The following GRIK5 variants were observed in gnomAD, a reference collection of about 807,000 sequenced individuals.
GRIK5 encodes glutamate receptor ionotropic, kainate 5.
In GRIK5, 43 loss-of-function variants were observed where a neutral mutation model predicts 97.4. That is an observed-to-expected ratio of 0.44 (90% CI 0.35 to 0.57). The LOEUF is 0.57. Ranked by LOEUF, GRIK5 falls within the 20% of genes least tolerant of loss-of-function variation. The probability of loss-of-function intolerance (pLI) is 0.01; values close to 1 mark genes in which losing one functional copy is unlikely to be tolerated. For missense variants in GRIK5, 1,015 were observed against 1,382.0 expected (o/e 0.73, Z 4.21); for synonymous variants, 580 against 583.5 (o/e 0.99, Z 0.09).
Position 42,065,605 on chromosome 19 carries a change from C to A in GRIK5, c.79+87G>T. 1 of 1,201,034 alleles carries A rather than the reference C, an allele frequency of 8.3e-7. No homozygotes were observed. Among genetic ancestry groups the A allele is most frequent in the Non-Finnish European group, 1.2e-6 (1 of 839,564 alleles). 74.4% of individuals were successfully genotyped at this position (1,201,034 alleles called of 1,614,324 possible). ...TCCTTGCTGCTGAAGAGAGCTGAGA[C>A]CTGGACCCTGACGGACTGGCATGCC... is the stretch of plus-strand genomic sequence containing the variant. On this transcript the variant is annotated intron_variant, in intron 2 of 19. Coordinates refer to ENST00000593562, the MANE Select transcript of GRIK5 (RefSeq NM_002088.5). The surrounding 1 kb of genome is among the most constrained non-coding windows in gnomAD (Gnocchi z 5.8).
intron 11 of GRIK5, 95 bp downstream of exon 11, chr19:42,053,507 G>T: frequency 5.1e-6 from 4 of 780,308 alleles, no homozygotes; most frequent in South Asian, 2.9e-5. Context: ...TGGCCTATGC[G>T]CTGTGCCAGC....
intron 11 of GRIK5, among the ~76,000 whole-genome samples, chr19:42,045,010 A>T (rs2076025417): frequency 6.6e-6 from 1 of 152,248 alleles, no homozygotes; most frequent in African/African-American, 2.4e-5. Context: ...TCTCGATGAC[A>T]TTATTTTAAT....
chr19:42,059,297 AC>A, intron 6 of GRIK5, 51 bp downstream of exon 6: 1 of 1,482,678 alleles, frequency 6.7e-7, no homozygotes, highest in Non-Finnish European at 9.3e-7. Context: ...TTGCTCGGTC[AC>A]CCCAAGTTTC....
chr19:42,035,464 T>C (rs2075891674), intron 12 of GRIK5, among the ~76,000 whole-genome samples: 1 of 152,064 alleles, frequency 6.6e-6, no homozygotes, highest in Admixed American at 6.6e-5. Flanking sequence ...CCCAGCACCT[T>C]GGGAGGCCGA....
chr19:42,003,457 G>A lies in GRIK5; in HGVS notation c.2393-4C>T, dbSNP rs1205782928. On this transcript the variant is annotated splice_polypyrimidine_tract_variant and splice_region_variant and intron_variant, in intron 18 of 19. Transcript: ENST00000593562. The surrounding 1 kb of genome is among the most constrained non-coding windows in gnomAD (Gnocchi z 4.2). The stretch of plus-strand genomic sequence containing the variant: ...CCAATGTTCTCCATGCCCAAACCTG[G>A]AGGGCGAAGGGAGTTGGGGGGCAAA... The A allele has an allele frequency of 9.9e-6, 16 of 1,613,836 alleles. No homozygotes were observed. The highest frequency in any genetic ancestry group is 1.4e-5 in the Non-Finnish European group (16 of 1,179,878).
chr19:42,057,588 G>A (rs1169970621), intron 6 of GRIK5, among the ~76,000 whole-genome samples: 1 of 152,030 alleles, frequency 6.6e-6, no homozygotes, highest in East Asian at 1.9e-4. Flanking sequence ...ATGGTCCCAA[G>A]CTCCTGGCCT....
chr19:42,030,295 C>T (rs1332672180), intron 12 of GRIK5, among the ~76,000 whole-genome samples: 1 of 152,056 alleles, frequency 6.6e-6, no homozygotes, highest in African/African-American at 2.4e-5. Flanking sequence ...GATTCTTGTG[C>T]CTCAGCTTCC....
chr19:41,999,028 T>C lies in GRIK5; in HGVS notation c.2786A>G (p.His929Arg). 1 of 944,492 alleles carries C rather than the reference T, an allele frequency of 1.1e-6. No homozygotes were observed. The highest frequency in any genetic ancestry group is 1.3e-6 in the Non-Finnish European group (1 of 762,530). The allele number at this position is 944,492 out of a possible 1,614,324, so 58.5% of individuals were successfully genotyped here. Residue 929 changes from histidine (H) to arginine (R), a missense_variant, in exon 20 of 20, where the codon CAC becomes CGC. By Grantham distance (29) the His-to-Arg change is conservative. Transcript: ENST00000593562. The surrounding 1 kb of genome is among the most constrained non-coding windows in gnomAD (Gnocchi z 5.0). ...ARPAAPTPCTHVRVCQECRRI... is the reference protein window; with the variant it reads ...ARPAAPTPCTRVRVCQECRRI... Reference sequence around the variant, plus strand: ...CCGGCACTCCTGGCAGACGCGCACGTGGGTGCAGGGGGTGGGGGCGGCGGG... The same window carrying C: ...CCGGCACTCCTGGCAGACGCGCACGCGGGTGCAGGGGGTGGGGGCGGCGGG...
intron 15 of GRIK5, among the ~76,000 whole-genome samples, chr19:42,015,051 C>T (rs955347871): frequency 1.3e-5 from 2 of 152,050 alleles, no homozygotes; most frequent in African/African-American, 2.4e-5. Flanking sequence ...CAGAATGTTA[C>T]CAGGAATAAG....
intron 11 of GRIK5, among the ~76,000 whole-genome samples, chr19:42,052,383 A>G (rs2076128390): frequency 6.6e-6 from 1 of 152,038 alleles, no homozygotes; most frequent in African/African-American, 2.4e-5. Flanking sequence ...CCAAGCCCCC[A>G]GGGCTCCCTG....
Position 41,999,075 on chromosome 19 carries a change from C to T in GRIK5, c.2739G>A (p.Pro913=), listed in dbSNP as rs782515257. The T allele has an allele frequency of 1.1e-5, 14 of 1,299,120 alleles. No homozygotes were observed. Among genetic ancestry groups the T allele is most frequent in the Non-Finnish European group, 1.4e-5 (14 of 1,029,422 alleles). 80.5% of individuals were successfully genotyped at this position (1,299,120 alleles called of 1,614,324 possible). A position where few individuals can be genotyped will look rare whatever the true frequency, so the allele number is the denominator to read the frequency against. The change falls in exon 20 of 20, where the codon CCG becomes CCA. Residue 913 remains proline (P), a synonymous_variant. Transcript: ENST00000593562. This position sits in a 1 kb window ranked among gnomAD's most constrained non-coding sequence, Gnocchi z 5.0. ...HGGPQRLLDD[P]GPPSGARPAA... Reference sequence around the variant, plus strand: ...CGGGTCGGGCTCCGCTGGGGGGCCCCGGGTCGTCCAGGAGGCGCTGCGGGC... The same window carrying T: ...CGGGTCGGGCTCCGCTGGGGGGCCCTGGGTCGTCCAGGAGGCGCTGCGGGC...
intron 12 of GRIK5, among the ~76,000 whole-genome samples, chr19:42,038,251 G>A (rs532329376): frequency 6.6e-6 from 1 of 152,340 alleles, no homozygotes; most frequent in Non-Finnish European, 1.5e-5. Context: ...CAGGGAGAAG[G>A]CCAATGTCAG....
At chr19:42,041,321 A>C (rs1015489983) in intron 12 of GRIK5, among the ~76,000 whole-genome samples, 20 of 152,130 alleles carry the variant, frequency 1.3e-4, no homozygotes, top group Admixed American at 1.3e-3. Context: ...CAGCTCTGGG[A>C]GTGTCCTAAT....
intron 15 of GRIK5, among the ~76,000 whole-genome samples, chr19:42,015,534 A>G (rs1356253565): frequency 6.6e-6 from 1 of 152,232 alleles, no homozygotes; most frequent in Non-Finnish European, 1.5e-5. Flanking sequence ...TTCTCCATCA[A>G]TGCCTTGCTG....
intron 12 of GRIK5, among the ~76,000 whole-genome samples, chr19:42,034,428 T>C (rs1279401963): frequency 6.6e-6 from 1 of 152,160 alleles, no homozygotes; most frequent in African/African-American, 2.4e-5. Context: ...GCAGTGACTG[T>C]GAGGCCCTGG....
chr19:42,043,468 C>T (rs931795237), intron 11 of GRIK5, among the ~76,000 whole-genome samples: 15 of 144,820 alleles, frequency 1.0e-4, no homozygotes, highest in Non-Finnish European at 1.6e-4. Context: ...TGCAGTGGCG[C>T]GATCTCAACT....
At chr19:42,050,901 C>T (rs531703175) in intron 11 of GRIK5, among the ~76,000 whole-genome samples, 1 of 152,054 alleles carries the variant, frequency 6.6e-6, no homozygotes, top group Non-Finnish European at 1.5e-5. Flanking sequence ...GGGAGGTGCT[C>T]TCACACGTAC....
intron 12 of GRIK5, among the ~76,000 whole-genome samples, chr19:42,038,707 G>C (rs1162694787): frequency 6.6e-6 from 1 of 152,260 alleles, no homozygotes; most frequent in Non-Finnish European, 1.5e-5. Context: ...TCTCACACTG[G>C]GCAGTGATCC....
intron 11 of GRIK5, among the ~76,000 whole-genome samples, chr19:42,050,046 C>T (rs2076091844): frequency 6.6e-6 from 1 of 152,148 alleles, no homozygotes; most frequent in African/African-American, 2.4e-5. Context: ...CCTCCTGCCT[C>T]AGCCTCCCAA....
Sources: allele counts gnomAD v4.1 joint callset (sites outside exome capture counted in the v4.1 genomes callset), GRCh38; gene constraint gnomAD v4.1.1; non-coding constraint Gnocchi (gnomAD v3.1); transcripts MANE v1.5; gene names NCBI Gene and HGNC (gene_info 2026-07-23, HGNC 2026-07-21).